Variants in PLEKHD1 observed in about 807,000 individuals in gnomAD.
The protein encoded by PLEKHD1 is pleckstrin homology domain-containing family D member 1.
PLEKHD1 carries 51 observed loss-of-function variants against 69.2 expected under a neutral mutation model. The ratio of observed to expected loss-of-function variants is 0.74; its 90% confidence interval spans 0.59 to 0.93. The LOEUF is 0.93. Ranked by LOEUF, PLEKHD1 falls within the 40% of genes least tolerant of loss-of-function variation. The pLI is 0.00. For missense variants in PLEKHD1, 584 were observed against 641.0 expected, an observed-to-expected ratio of 0.91 and a Z score of 0.96; for synonymous variants, 236 against 244.7, an observed-to-expected ratio of 0.96 and a Z score of 0.33.
Position 69,484,736 on chromosome 14 carries a change from C to G in PLEKHD1, c.-230C>G, listed in dbSNP as rs1882613097. 2.1e-6 allele frequency: 1 copy of G among 483,690 alleles called. No individual in the cohort carries two copies. Among genetic ancestry groups the G allele is most frequent in the Non-Finnish European group, 3.6e-6 (1 of 275,064 alleles). 30.0% of individuals were successfully genotyped at this position (483,690 alleles called of 1,614,324 possible). ...TGAGCCACCCTCCCCGCGGAGTTCC[C>G]GCCCGGCCCTCTGCAATCCGGAGCC... On this transcript the variant is annotated 5_prime_UTR_variant, in exon 1 of 13. Coordinates refer to ENST00000322564, the MANE Select transcript of PLEKHD1 (RefSeq NM_001161498.2).
chr14:69,502,910 C>T (rs977061944), intron 6 of PLEKHD1, 31 bp downstream of exon 6: 21 of 1,551,040 alleles, frequency 1.4e-5, no homozygotes, highest in African/African-American at 4.1e-5. Context: ...TCTCAGCAGC[C>T]GTGGTGTAAT....
At position 69,529,180 on chromosome 14, in the gene PLEKHD1, C is replaced by T. The variant is rs1196303259; in HGVS notation, c.*761C>T. 6.6e-6 allele frequency: 1 copy of T among 152,380 alleles called. No homozygotes were observed. The highest frequency in any genetic ancestry group is 1.9e-4 in the East Asian group (1 of 5,178). 9.4% of individuals were successfully genotyped at this position (152,380 alleles called of 1,614,324 possible). On this transcript the variant is annotated 3_prime_UTR_variant, in exon 13 of 13. Transcript: ENST00000322564. ...GGCACCAGTCCCTCCTGCCTGTGTA[C>T]CTAGGGCCCTGGCTGGGAGCTGGGG... is the stretch of plus-strand genomic sequence containing the variant.
intron 8 of PLEKHD1, 51 bp from the exon 9 acceptor site, chr14:69,525,893 G>A (rs1363122388): frequency 5.3e-6 from 8 of 1,514,582 alleles, no homozygotes; most frequent in South Asian, 2.5e-5. Flanking sequence ...GGGCAGCCAC[G>A]ATGGAGAACC....
chr14:69,500,694 G>A (rs1285257379), intron 3 of PLEKHD1, 28 bp downstream of exon 3: 1 of 1,547,854 alleles, frequency 6.5e-7, no homozygotes, highest in Non-Finnish European at 8.7e-7. Flanking sequence ...CTCAGCCTGG[G>A]CTCCGCAGGA....
At chr14:69,503,915 T>G (rs1883094603) in intron 6 of PLEKHD1, among the ~76,000 whole-genome samples, 1 of 150,414 alleles carries the variant, frequency 6.6e-6, no homozygotes, top group African/African-American at 2.4e-5. Context: ...GGGCCTTGCC[T>G]GTTCTGAGGA....
Position 69,524,273 on chromosome 14 carries a change from A to G in PLEKHD1, c.695A>G (p.Glu232Gly), listed in dbSNP as rs745772432. The change falls in exon 8 of 13, where the codon GAG becomes GGG. Residue 232 changes from glutamate to glycine, a missense_variant. Coordinates refer to ENST00000322564, the MANE Select transcript of PLEKHD1 (RefSeq NM_001161498.2). ...TARCLKGVEQEKKELRHLTES... is the reference protein window; with the variant it reads ...TARCLKGVEQGKKELRHLTES... Reference sequence around the variant, plus strand: ...AGATGCCTTAAGGGTGTAGAACAAGAGAAAAAGGAACTGAGGCACCTCACG... The same window carrying G: ...AGATGCCTTAAGGGTGTAGAACAAGGGAAAAAGGAACTGAGGCACCTCACG... 1 of 1,551,586 alleles carries G rather than the reference A, an allele frequency of 6.4e-7. No individual in the cohort carries two copies. The highest frequency in any genetic ancestry group is 1.2e-5 in the South Asian group (1 of 84,052).
upstream of PLEKHD1, chr14:69,484,542 C>A (rs1325531526): frequency 6.4e-6 from 1 of 155,042 alleles, no homozygotes; most frequent in Non-Finnish European, 1.4e-5. Flanking sequence ...ACCTTCTGGA[C>A]GCACGGAGCC....
chr14:69,477,676 A>T, the PLEKHD1 span, among the ~76,000 whole-genome samples: 1 of 152,228 alleles, frequency 6.6e-6, no homozygotes, highest in African/African-American at 2.4e-5. Context: ...GCAAATCTGA[A>T]ATCCAGCAGG....
chr14:69,468,423 A>G, the PLEKHD1 span, among the ~76,000 whole-genome samples: 1 of 152,236 alleles, frequency 6.6e-6, no homozygotes, highest in Non-Finnish European at 1.5e-5. Flanking sequence ...TCAGAAAATT[A>G]TACCCTCAAA....
At chr14:69,498,738 C>T (rs1461997683) in intron 1 of PLEKHD1, among the ~76,000 whole-genome samples, 2 of 151,786 alleles carry the variant, frequency 1.3e-5, no homozygotes, top group Admixed American at 6.6e-5. Flanking sequence ...ACCTCTGCAT[C>T]CTGGGTTCAA....
At chr14:69,523,812 G>A (rs971598161) in intron 7 of PLEKHD1, among the ~76,000 whole-genome samples, 2 of 152,196 alleles carry the variant, frequency 1.3e-5, no homozygotes, top group Non-Finnish European at 2.9e-5. Context: ...GGTGACTGAA[G>A]CTTGTGAAGA....
chr14:69,501,787 A>C lies in PLEKHD1; in HGVS notation c.464A>C (p.Gln155Pro). The C allele has an allele frequency of 1.3e-6, 2 of 1,551,480 alleles. No individual in the cohort carries two copies. The highest frequency in any genetic ancestry group is 1.7e-6 in the Non-Finnish European group (2 of 1,146,834). Residue 155 changes from glutamine (Q) to proline (P), a missense_variant, in exon 5 of 13, where the codon CAG becomes CCG. Coordinates refer to ENST00000322564, the MANE Select transcript of PLEKHD1 (RefSeq NM_001161498.2). ...GCCATGATCAAAAGCCTGGAGGCCC[A>C]GGGGCTGCAGTTGGCTAAGGAAAAG... ...GEAMIKSLEAQGLQLAKEKQE... is the reference protein window; with the variant it reads ...GEAMIKSLEAPGLQLAKEKQE...
At chr14:69,501,897 A>T in intron 5 of PLEKHD1, 72 bp downstream of exon 5, 1 of 1,347,960 alleles carries the variant, frequency 7.4e-7, no homozygotes. Context: ...GGGCTTGGTA[A>T]AGGATGCAGC....
At chr14:69,526,963 C>A in intron 10 of PLEKHD1, 134 bp downstream of exon 10, 1 of 1,330,546 alleles carries the variant, frequency 7.5e-7, no homozygotes. Context: ...GGGGATGGAG[C>A]CACCACGAGG....
At chr14:69,468,771 G>T in the PLEKHD1 span, among the ~76,000 whole-genome samples, 1 of 152,066 alleles carries the variant, frequency 6.6e-6, no homozygotes, top group African/African-American at 2.4e-5. Context: ...TGTAGAGATG[G>T]AGTCTCACTA....
rs548774154 is a variant in PLEKHD1, at chr14:69,526,857, C to T, written c.1056+28C>T. On this transcript the variant is annotated intron_variant, in intron 10 of 12. Transcript: ENST00000322564. ...GCGACCTGGCCTGCTGGTGCCAGGG[C>T]CCTTCCCCTTCCCTGGAGACTCCCC... The T allele has an allele frequency of 2.3e-5, 34 of 1,500,770 alleles. No homozygotes were observed. The African/African-American group carries it at 3.9e-4, about 17-fold the overall frequency. 93.0% of individuals were successfully genotyped at this position (1,500,770 alleles called of 1,614,324 possible). A position where few individuals can be genotyped will look rare whatever the true frequency, so the allele number is the denominator to read the frequency against.
intron 6 of PLEKHD1, among the ~76,000 whole-genome samples, chr14:69,521,221 G>T (rs547175821): frequency 6.6e-6 from 1 of 152,236 alleles, no homozygotes; most frequent in Non-Finnish European, 1.5e-5. Flanking sequence ...AGGTCAGTTT[G>T]TAACCAGTGA....
chr14:69,526,733 G>C lies in PLEKHD1; in HGVS notation c.960G>C (p.Glu320Asp). The C allele has an allele frequency of 6.5e-7, 1 of 1,547,228 alleles. No individual in the cohort carries two copies. Among genetic ancestry groups the C allele is most frequent in the Non-Finnish European group, 8.7e-7 (1 of 1,144,742 alleles). ...ACGAGGAGCGCTCACGGGCCCTGGA[G>C]GAGGAGCGTGAGTTCTACTCCAGCC... is the stretch of plus-strand genomic sequence containing the variant. ...KENEERSRAL[E>D]EEREFYSSQS... is the part of the protein sequence containing the mutation. The change falls in exon 10 of 13, where the codon GAG becomes GAC. Residue 320 changes from glutamate (E) to aspartate (D), a missense_variant. Transcript: ENST00000322564.
At position 69,484,974 on chromosome 14, in the gene PLEKHD1, G is replaced by A; in HGVS notation, c.9G>A (p.Thr3=). The A allele has an allele frequency of 6.4e-7, 1 of 1,551,014 alleles. No individual in the cohort carries two copies. The highest frequency in any genetic ancestry group is 8.7e-7 in the Non-Finnish European group (1 of 1,146,792). Residue 3 remains threonine (T), a synonymous_variant, in exon 1 of 13, where the codon ACG becomes ACA. Coordinates refer to ENST00000322564, the MANE Select transcript of PLEKHD1 (RefSeq NM_001161498.2). The stretch of plus-strand genomic sequence containing the variant: ...AGCCCCGCTGAGGCAGGATGTTCAC[G>A]TCCAAGTCCAACTCGGTGTCGCCCT... MF[T]SKSNSVSPSP...
Sources: allele counts gnomAD v4.1 joint callset (sites outside exome capture counted in the v4.1 genomes callset), GRCh38; gene constraint gnomAD v4.1.1; transcripts MANE v1.5; gene names NCBI Gene and HGNC (gene_info 2026-07-23, HGNC 2026-07-21).